The following PLEKHM3 variants were observed in gnomAD, a reference collection of about 807,000 sequenced individuals.
PLEKHM3 encodes the protein pleckstrin homology domain containing M3.
In PLEKHM3, 45 loss-of-function variants were observed where a neutral mutation model predicts 81.8. The ratio of observed to expected loss-of-function variants is 0.55; its 90% CI spans 0.43 to 0.71. PLEKHM3 has a LOEUF of 0.71. Among genes scored for constraint, PLEKHM3 ranks in the 30% least tolerant of loss-of-function variants. PLEKHM3 has a pLI of 0.00. For synonymous variants in PLEKHM3, 352 were observed against 356.4 expected (o/e 0.99, Z 0.14); for missense variants, 788 against 924.3 (o/e 0.85, Z 1.91).
chr2:207,956,718 A>ATTTTTTTTTT lies in PLEKHM3; in HGVS notation c.1547-10216_1547-10207dup, dbSNP rs1170073686. On this transcript the variant is annotated intron_variant, in intron 3 of 7. Coordinates refer to ENST00000427836, the MANE Select transcript of PLEKHM3 (RefSeq NM_001080475.3). ...ATGCCACCACACCTGGCTGATTAAA[A>ATTTTTTTTTT]TTTTTTTTTTTTTTTTTTTTTTTTT... 1.5e-3 allele frequency among the ~76,000 whole-genome samples: 107 copies of ATTTTTTTTTT among 69,144 alleles called. 10 individuals are homozygous for ATTTTTTTTTT. Among genetic ancestry groups the ATTTTTTTTTT allele is most frequent in the Non-Finnish European group, 2.2e-3 (78 of 35,262 alleles). 45.4% of individuals were successfully genotyped at this position (69,144 alleles called of 152,430 possible). A position where few individuals can be genotyped will look rare whatever the true frequency, so the allele number is the denominator to read the frequency against.
intron 3 of PLEKHM3, among the ~76,000 whole-genome samples, chr2:207,963,034 GA>G (rs1690793038): frequency 6.6e-6 from 1 of 151,958 alleles, no homozygotes; most frequent in Non-Finnish European, 1.5e-5. Flanking sequence ...TGGATTCCTA[GA>G]AAAGATGGTG....
intron 7 of PLEKHM3, among the ~76,000 whole-genome samples, chr2:207,844,459 C>T (rs1209305081): frequency 3.4e-5 from 5 of 147,262 alleles, no homozygotes; most frequent in African/African-American, 5.0e-5. Context: ...CCCACCACCA[C>T]GCCCGGAGAA....
At chr2:207,856,090 T>A (rs565212696) in intron 7 of PLEKHM3, among the ~76,000 whole-genome samples, 2 of 152,320 alleles carry the variant, frequency 1.3e-5, no homozygotes, top group South Asian at 4.1e-4. Flanking sequence ...GTAAGGTTTA[T>A]AAAAATTGTT....
chr2:207,859,126 TTTTC>T (rs769110970), intron 7 of PLEKHM3, among the ~76,000 whole-genome samples: 8 of 115,248 alleles, frequency 6.9e-5, no homozygotes, highest in Non-Finnish European at 1.5e-4. Flanking sequence ...TCAGTACGTT[TTTTC>T]TTTTTCTTTT....
At chr2:208,004,312 G>A (rs1293094747) in intron 1 of PLEKHM3, among the ~76,000 whole-genome samples, 1 of 152,052 alleles carries the variant, frequency 6.6e-6, no homozygotes, top group Non-Finnish European at 1.5e-5. Flanking sequence ...CTACTCGGGA[G>A]GCTGAGGTGG....
chr2:207,824,522 C>A lies in PLEKHM3; in HGVS notation c.*3797G>T, dbSNP rs1009583764. ...TGTGTCTCTACTTCCACTGCTAACG[C>A]CCCTCTGCAGAAAATGTTCAGTGTG... is the stretch of plus-strand genomic sequence containing the variant. On this transcript the variant is annotated 3_prime_UTR_variant, in exon 8 of 8. Transcript: ENST00000427836. 6.6e-6 allele frequency: 1 copy of A among 152,238 alleles called. No homozygotes were observed. The highest frequency in any genetic ancestry group is 2.4e-5 in the African/African-American group (1 of 41,466). The allele number at this position is 152,238 out of a possible 1,614,324, so 9.4% of individuals were successfully genotyped here. A position where few individuals can be genotyped will look rare whatever the true frequency, so the allele number is the denominator to read the frequency against.
Position 207,867,253 on chromosome 2 carries a change from G to A in PLEKHM3, c.1951-5991C>T, listed in dbSNP as rs2092506608. On this transcript the variant is annotated intron_variant, in intron 6 of 7. Transcript: ENST00000427836. ...CTCTGTGGCAGCTCAGCTATTCAGG[G>A]ATCCTTTTGCTTCTTTATACTTGAT... Among the ~76,000 whole-genome samples, 3 of 152,264 alleles carry A rather than the reference G, an allele frequency of 2.0e-5. No individual in the cohort carries two copies. The South Asian group carries it at 6.2e-4, about 32-fold the overall frequency.
chr2:207,876,625 C>T (rs537521739), intron 6 of PLEKHM3, among the ~76,000 whole-genome samples: 7 of 152,250 alleles, frequency 4.6e-5, no homozygotes, highest in East Asian at 1.9e-4. Context: ...TAATACCAGG[C>T]GATTTAAGGA....
chr2:208,001,717 G>T lies in PLEKHM3; in HGVS notation c.-78C>A. The stretch of plus-strand genomic sequence containing the variant: ...CATGAACATTCACCCAACCAAGAGG[G>T]GTGCTTCAGCAATAGAGCTATGGAA... On this transcript the variant is annotated 5_prime_UTR_variant, in exon 2 of 8. Coordinates refer to ENST00000427836, the MANE Select transcript of PLEKHM3 (RefSeq NM_001080475.3). 6.5e-7 allele frequency: 1 copy of T among 1,529,452 alleles called. No individual in the cohort carries two copies. The highest frequency in any genetic ancestry group is 8.7e-7 in the Non-Finnish European group (1 of 1,146,914). The allele number at this position is 1,529,452 out of a possible 1,614,324, so 94.7% of individuals were successfully genotyped here.
chr2:207,836,248 C>T (rs2092318344), intron 7 of PLEKHM3, among the ~76,000 whole-genome samples: 1 of 149,742 alleles, frequency 6.7e-6, no homozygotes, highest in African/African-American at 2.5e-5. Flanking sequence ...CACTTGAACC[C>T]AGGAGGCAGA....
chr2:208,004,805 T>C (rs1692443708), intron 1 of PLEKHM3, among the ~76,000 whole-genome samples: 2 of 152,144 alleles, frequency 1.3e-5, no homozygotes, highest in South Asian at 4.1e-4. Flanking sequence ...AAATAAACTT[T>C]TCATTTTAAA....
intron 6 of PLEKHM3, among the ~76,000 whole-genome samples, chr2:207,863,179 C>T (rs1223921713): frequency 6.6e-6 from 1 of 152,230 alleles, no homozygotes; most frequent in South Asian, 2.1e-4. Flanking sequence ...AGACTTGCTT[C>T]GGCCCCAGGT....
chr2:207,834,340 G>A (rs982599152), intron 7 of PLEKHM3, among the ~76,000 whole-genome samples: 1 of 151,814 alleles, frequency 6.6e-6, no homozygotes, highest in Non-Finnish European at 1.5e-5. Flanking sequence ...ATGTGGGTCA[G>A]GTTGGTCTCA....
intron 4 of PLEKHM3, among the ~76,000 whole-genome samples, chr2:207,943,817 G>A (rs938187913): frequency 5.2e-5 from 7 of 133,720 alleles, no homozygotes; most frequent in Admixed American, 8.4e-5. Context: ...GCAGTGAGCC[G>A]AGATCCCGCC....
chr2:207,923,897 A>ATTT (rs1374566712), intron 5 of PLEKHM3, among the ~76,000 whole-genome samples: 24 of 83,622 alleles, frequency 2.9e-4, no homozygotes, highest in Non-Finnish European at 4.8e-4. Context: ...ATATATATAT[A>ATTT]TATATATATT....
intron 6 of PLEKHM3, among the ~76,000 whole-genome samples, chr2:207,881,652 G>T (rs985338053): frequency 2.0e-5 from 3 of 152,152 alleles, no homozygotes; most frequent in Non-Finnish European, 2.9e-5. Context: ...TGGGAATTGG[G>T]GCCAAGAAGG....
chr2:207,909,373 T>C (rs1227219205), intron 5 of PLEKHM3, among the ~76,000 whole-genome samples: 2 of 152,200 alleles, frequency 1.3e-5, no homozygotes, highest in Admixed American at 1.3e-4. Flanking sequence ...AAATCCATGA[T>C]ACTAACATTT....
chr2:207,839,736 G>A (rs2092339659), intron 7 of PLEKHM3, among the ~76,000 whole-genome samples: 1 of 152,024 alleles, frequency 6.6e-6, no homozygotes, highest in South Asian at 2.1e-4. Context: ...TCAGGACCTG[G>A]GCAACATAGG....
chr2:207,939,932 G>T (rs945535225), intron 4 of PLEKHM3, among the ~76,000 whole-genome samples: 1 of 152,138 alleles, frequency 6.6e-6, no homozygotes, highest in African/African-American at 2.4e-5. Flanking sequence ...TGTGGCAGAC[G>T]GAGGAGTCCA....
Sources: allele counts gnomAD v4.1 joint callset (sites outside exome capture counted in the v4.1 genomes callset), GRCh38; gene constraint gnomAD v4.1.1; transcripts MANE v1.5; gene names NCBI Gene and HGNC (gene_info 2026-07-23, HGNC 2026-07-21).